Variants in RAP1GAP2 observed in about 807,000 individuals in gnomAD.
The protein encoded by RAP1GAP2 is RAP1 GTPase activating protein 2, also known as rap1 GTPase-activating protein 2.
A neutral mutation model predicts 95.0 loss-of-function variants in RAP1GAP2; 27 were observed. The ratio of observed to expected loss-of-function variants is 0.28; its 90% CI spans 0.21 to 0.39. RAP1GAP2 has a LOEUF of 0.39. Among genes scored for constraint, RAP1GAP2 ranks in the 10% least tolerant of loss-of-function variants. RAP1GAP2 has a pLI of 1.00. For synonymous variants in RAP1GAP2, 373 were observed against 380.9 expected, an observed-to-expected ratio of 0.98 and a Z score of 0.24; for missense variants, 771 against 970.0, an observed-to-expected ratio of 0.79 and a Z score of 2.72.
intron 13 of RAP1GAP2, among the ~76,000 whole-genome samples, chr17:2,996,859 T>G (rs1261674135): frequency 6.6e-6 from 1 of 152,192 alleles, no homozygotes; most frequent in Non-Finnish European, 1.5e-5. Flanking sequence ...AAACAGGTGC[T>G]CAGTGAATGA....
chr17:2,975,660 C>T (rs1291297481), intron 8 of RAP1GAP2, among the ~76,000 whole-genome samples: 2 of 152,328 alleles, frequency 1.3e-5, no homozygotes, highest in South Asian at 2.1e-4. Flanking sequence ...GTTCCTTCCC[C>T]CTTTTCCTCT....
At chr17:2,803,227 G>C (rs1318771231) in intron 2 of RAP1GAP2, among the ~76,000 whole-genome samples, 1 of 152,204 alleles carries the variant, frequency 6.6e-6, no homozygotes, top group African/African-American at 2.4e-5. Flanking sequence ...TGAGGTCTCT[G>C]AGTGATTATC....
At chr17:2,869,856 C>G (rs910352003) in intron 2 of RAP1GAP2, among the ~76,000 whole-genome samples, 2 of 152,198 alleles carry the variant, frequency 1.3e-5, no homozygotes, top group African/African-American at 2.4e-5. Context: ...GGAGGCTGAT[C>G]TGGTGAGCGG....
At chr17:2,756,201 AGCCCCCAACCCCTGCGTGGAAAGG>A (rs1013550157) in intron 1 of RAP1GAP2, among the ~76,000 whole-genome samples, 1 of 152,204 alleles carries the variant, frequency 6.6e-6, no homozygotes, top group African/African-American at 2.4e-5. Context: ...CACCACCCAC[AGCCCCCAACCCCTGCGTGGAAAGG>A]GGTGCTTTAG....
upstream of RAP1GAP2, among the ~76,000 whole-genome samples, chr17:2,795,438 A>G (rs1025326795): frequency 1.3e-5 from 2 of 152,196 alleles, no homozygotes; most frequent in African/African-American, 2.4e-5. Context: ...GCCCTGTGGC[A>G]TGAGGACCAG....
intron 3 of RAP1GAP2, among the ~76,000 whole-genome samples, chr17:2,939,113 C>CA: frequency 6.6e-6 from 1 of 152,066 alleles, no homozygotes. Context: ...TTTTTTGAGA[C>CA]AGAGTCCTGC....
At chr17:2,773,969 G>T (rs2068445565), upstream of RAP1GAP2, among the ~76,000 whole-genome samples, 1 of 152,058 alleles carries the variant, frequency 6.6e-6, no homozygotes, top group Non-Finnish European at 1.5e-5. Flanking sequence ...TGTTGGCCAG[G>T]CTGGTCTCAA....
intron 2 of RAP1GAP2, among the ~76,000 whole-genome samples, chr17:2,837,568 G>A (rs965161809): frequency 1.3e-5 from 2 of 150,884 alleles, no homozygotes; most frequent in Non-Finnish European, 2.9e-5. Flanking sequence ...GGAAGTCAGT[G>A]TCCACAGGAC....
intron 2 of RAP1GAP2, among the ~76,000 whole-genome samples, chr17:2,878,237 T>C (rs906829992): frequency 6.6e-6 from 1 of 151,950 alleles, no homozygotes; most frequent in African/African-American, 2.4e-5. Context: ...GTGCCTTTAA[T>C]TGCAAGAGAA....
At chr17:3,016,900 C>A (rs2046788169) in intron 17 of RAP1GAP2, among the ~76,000 whole-genome samples, 1 of 152,190 alleles carries the variant, frequency 6.6e-6, no homozygotes, top group Admixed American at 6.5e-5. Flanking sequence ...GGCAGTGAAA[C>A]CCTAAAGCCT....
In RAP1GAP2 at chr17:3,027,786, AG is replaced by A. The variant is rs1233796012; in HGVS notation, c.2107+720del. Among the ~76,000 whole-genome samples, 3 of 11,848 alleles carry A rather than the reference AG, an allele frequency of 2.5e-4. No homozygotes were observed. The highest frequency in any genetic ancestry group is 3.3e-4 in the African/African-American group (1 of 3,020). 7.8% of individuals were successfully genotyped at this position (11,848 alleles called of 152,430 possible). On this transcript the variant is annotated intron_variant, in intron 22 of 24. Coordinates refer to ENST00000254695, the MANE Select transcript of RAP1GAP2 (RefSeq NM_015085.5). This position sits in a 1 kb window ranked among gnomAD's most constrained non-coding sequence, Gnocchi z 5.2. Reference sequence around the variant, plus strand: ...GAGCAGGAGCAGAGGGGAGGGATGGAGGGGAGGGGAGAGGAGGGGAGGGGAG... The same window carrying A: ...GAGCAGGAGCAGAGGGGAGGGATGGAGGGAGGGGAGAGGAGGGGAGGGGAG...
chr17:2,801,287 C>T (rs1375591553), intron 2 of RAP1GAP2, among the ~76,000 whole-genome samples: 1 of 151,018 alleles, frequency 6.6e-6, no homozygotes, highest in Non-Finnish European at 1.5e-5. Flanking sequence ...CCAGCCTGGC[C>T]AACATGGTGA....
chr17:2,927,294 C>T (rs557079973), intron 3 of RAP1GAP2, among the ~76,000 whole-genome samples: 207 of 152,118 alleles, frequency 1.4e-3, no homozygotes, highest in African/African-American at 4.4e-3. Flanking sequence ...GCTGGGACTA[C>T]AGGCACCCGC....
At chr17:2,810,759 G>C (rs1158743117) in intron 2 of RAP1GAP2, among the ~76,000 whole-genome samples, 2 of 151,956 alleles carry the variant, frequency 1.3e-5, no homozygotes, top group East Asian at 3.9e-4. Context: ...GCAAACTCCT[G>C]ACCTCGTGAT....
chr17:3,012,717 C>T lies in RAP1GAP2; in HGVS notation c.1494+4572C>T, dbSNP rs1350660007. Among the ~76,000 whole-genome samples the T allele has an allele frequency of 4.0e-5, 6 of 151,292 alleles. No homozygotes were observed. The South Asian group carries it at 8.4e-4, about 21-fold the overall frequency. Reference sequence around the variant, plus strand: ...TAAGGCCTGAAGTCAGCACTGCATACGCAGCCCATGGGGCCACTGGGGTTG... The same window carrying T: ...TAAGGCCTGAAGTCAGCACTGCATATGCAGCCCATGGGGCCACTGGGGTTG... On this transcript the variant is annotated intron_variant, in intron 17 of 24. Transcript: ENST00000254695.
intron 2 of RAP1GAP2, among the ~76,000 whole-genome samples, chr17:2,865,057 C>G (rs536448532): frequency 6.6e-6 from 1 of 152,132 alleles, no homozygotes; most frequent in African/African-American, 2.4e-5. Context: ...AAAGGGATGG[C>G]GTCTCCAATG....
intron 20 of RAP1GAP2, 60 bp from the exon 21 acceptor site, chr17:3,026,290 C>A (rs2047113824): frequency 1.4e-6 from 2 of 1,442,822 alleles, no homozygotes; most frequent in African/African-American, 2.8e-5. Context: ...CGGGGAGGAC[C>A]CTGGGGGTGG....
At chr17:2,966,967 C>T (rs1428168605) in intron 8 of RAP1GAP2, among the ~76,000 whole-genome samples, 2 of 152,182 alleles carry the variant, frequency 1.3e-5, no homozygotes, top group East Asian at 1.9e-4. Context: ...GCCGGGCACG[C>T]AACACGCACT....
At chr17:2,772,179 C>T (rs1039443118), upstream of RAP1GAP2, among the ~76,000 whole-genome samples, 6 of 152,024 alleles carry the variant, frequency 3.9e-5, no homozygotes, top group African/African-American at 9.7e-5. Flanking sequence ...TTAGTAGAGA[C>T]GGGGTTTCAC....
Sources: gnomAD v4.1 joint callset for allele counts (sites outside exome capture counted in the v4.1 genomes callset) on GRCh38, gnomAD v4.1.1 for gene constraint, Gnocchi (gnomAD v3.1) non-coding constraint, MANE v1.5 for transcripts, NCBI Gene and HGNC (gene_info 2026-07-23, HGNC 2026-07-21) for gene names.